The following KCNC1 variants were observed in gnomAD, a reference collection of about 807,000 sequenced individuals.
KCNC1 encodes the protein voltage-gated potassium channel KCNC1.
Under a neutral mutation model 43.4 loss-of-function variants are expected in KCNC1, and 8 were observed. The observed-to-expected ratio is 0.18, with a 90% CI of 0.11 to 0.33. The LOEUF (loss-of-function observed/expected upper bound fraction) is 0.33. Among genes scored for constraint, KCNC1 ranks in the 10% least tolerant of loss-of-function variants. KCNC1 has a pLI of 1.00. For missense variants in KCNC1, 420 were observed against 836.0 expected, an observed-to-expected ratio of 0.50 and a Z score of 6.14; for synonymous variants, 361 against 360.5, an observed-to-expected ratio of 1.00 and a Z score of -0.01.
intron 1 of KCNC1, among the ~76,000 whole-genome samples, chr11:17,747,642 C>T (rs767430327): frequency 1.1e-4 from 17 of 152,274 alleles, no homozygotes; most frequent in Non-Finnish European, 1.9e-4. Flanking sequence ...TGGGTGGGGA[C>T]GAGCTAATAT....
chr11:17,778,969 G>A (rs914384888), intron 2 of KCNC1, among the ~76,000 whole-genome samples: 5 of 152,094 alleles, frequency 3.3e-5, no homozygotes, highest in Admixed American at 1.3e-4. Flanking sequence ...AGGGAAGCCC[G>A]AGCAACTGGC....
intron 1 of KCNC1, among the ~76,000 whole-genome samples, chr11:17,759,533 A>T (rs1849054973): frequency 6.6e-6 from 1 of 152,174 alleles, no homozygotes; most frequent in Non-Finnish European, 1.5e-5. Flanking sequence ...ACTAAGCGTA[A>T]TCATTTCTAG....
In KCNC1 at chr11:17,773,675, A is replaced by G; in HGVS notation, c.1504+1077A>G. ...AGTTTTATGAGAACCTGCACATAGC[A>G]CATAAAGTTGATCATGGGGCTCTGG... On this transcript the variant is annotated intron_variant, in intron 2 of 3. Coordinates refer to ENST00000265969, the MANE Select transcript of KCNC1 (RefSeq NM_001112741.2). This position sits in a 1 kb window ranked among gnomAD's most constrained non-coding sequence, Gnocchi z 4.1. 1.0e-6 allele frequency: 1 copy of G among 985,424 alleles called. No individual in the cohort carries two copies. 61.0% of individuals were successfully genotyped at this position (985,424 alleles called of 1,614,324 possible).
chr11:17,773,327 C>T lies in KCNC1; in HGVS notation c.1504+729C>T, dbSNP rs190549682. On this transcript the variant is annotated intron_variant, in intron 2 of 3. Coordinates refer to ENST00000265969, the MANE Select transcript of KCNC1 (RefSeq NM_001112741.2). The surrounding 1 kb of genome is among the most constrained non-coding windows in gnomAD (Gnocchi z 4.1). ...CCTGTTGAAGTGACTCTAGCTTTCA[C>T]GTTGTCTGTTTGGGTTGATGGTCGA... 1.4e-4 allele frequency: 142 copies of T among 985,422 alleles called. No homozygotes were observed. The highest frequency in any genetic ancestry group is 1.7e-4 in the Non-Finnish European group (140 of 829,950). The allele number at this position is 985,422 out of a possible 1,614,324, so 61.0% of individuals were successfully genotyped here. A position where few individuals can be genotyped will look rare whatever the true frequency, so the allele number is the denominator to read the frequency against.
rs750706493 is a variant in KCNC1 at position 17,768,622 on chromosome 11, G to A, written c.571-3043G>A. Reference sequence around the variant, plus strand: ...GAGAATGGATGTTGGTGGGGGGGGGGGCGGTTTGGGAATGGGATGTCCTGG... The same window carrying A: ...GAGAATGGATGTTGGTGGGGGGGGGAGCGGTTTGGGAATGGGATGTCCTGG... On this transcript the variant is annotated intron_variant, in intron 1 of 3. Transcript: ENST00000265969. 9.3e-3 allele frequency among the ~76,000 whole-genome samples: 1,399 copies of A among 150,848 alleles called. 25 individuals carry two copies. Among genetic ancestry groups the A allele is most frequent in the African/African-American group, 0.011 (466 of 41,370 alleles).
Position 17,736,724 on chromosome 11 carries a change from G to A in KCNC1, c.570+152G>A, listed in dbSNP as rs976168426. 55 of 1,347,532 alleles carry A rather than the reference G, an allele frequency of 4.1e-5. No individual in the cohort carries two copies. The Middle Eastern group carries it at 8.0e-4, about 19-fold the overall frequency. 83.5% of individuals were successfully genotyped at this position (1,347,532 alleles called of 1,614,324 possible). On this transcript the variant is annotated intron_variant, in intron 1 of 3. Coordinates refer to ENST00000265969, the MANE Select transcript of KCNC1 (RefSeq NM_001112741.2). The surrounding 1 kb of genome is among the most constrained non-coding windows in gnomAD (Gnocchi z 9.3). ...TGTGTGCACGTACCAGGGTAAGAGA[G>A]GAAGGGTGTCCGCCGGGGTTCTGGT...
intron 1 of KCNC1, among the ~76,000 whole-genome samples, chr11:17,748,883 G>T (rs1848932655): frequency 6.6e-6 from 1 of 152,196 alleles, no homozygotes; most frequent in South Asian, 2.1e-4. Flanking sequence ...AAGGTCTGTG[G>T]TGCCCAGCAG....
At chr11:17,760,377 T>C (rs954495048) in intron 1 of KCNC1, among the ~76,000 whole-genome samples, 2 of 152,180 alleles carry the variant, frequency 1.3e-5, no homozygotes, top group Admixed American at 1.3e-4. Context: ...GGGATCCTGG[T>C]ATTGCTCCAA....
chr11:17,749,326 T>C (rs1044207027), intron 1 of KCNC1, among the ~76,000 whole-genome samples: 33 of 152,362 alleles, frequency 2.2e-4, no homozygotes, highest in African/African-American at 7.9e-4. Flanking sequence ...AAGGCATCTT[T>C]GTGGGATGCT....
intron 1 of KCNC1, among the ~76,000 whole-genome samples, chr11:17,753,098 G>A (rs759548330): frequency 6.6e-6 from 1 of 152,226 alleles, no homozygotes; most frequent in Non-Finnish European, 1.5e-5. Flanking sequence ...CTGTGTCTCC[G>A]ATAAGATCTA....
In KCNC1 at chr11:17,771,732, A is replaced by G; in HGVS notation, c.638A>G (p.Glu213Gly). ...SITTFCLETH[E>G]RFNPIVNKTE... ...ACCACCTTCTGCCTGGAGACCCACG[A>G]GCGCTTCAACCCCATCGTGAACAAG... is the stretch of plus-strand genomic sequence containing the variant. Residue 213 changes from glutamate (E) to glycine (G), a missense_variant, in exon 2 of 4, where the codon GAG (glutamate) becomes GGG (glycine). Glu to Gly is a moderately conservative substitution (Grantham distance 98). This residue lies in a region of KCNC1 where 151 missense variants were observed against 216.7 expected (regional missense o/e 0.70). Transcript: ENST00000265969. This position sits in a 1 kb window ranked among gnomAD's most constrained non-coding sequence, Gnocchi z 4.7. The G allele has an allele frequency of 6.2e-7, 1 of 1,613,624 alleles. No individual in the cohort carries two copies. Among genetic ancestry groups the G allele is most frequent in the South Asian group, 1.1e-5 (1 of 91,070 alleles).
chr11:17,781,702 T>A lies in KCNC1; in HGVS notation c.1726T>A (p.Tyr576Asn). 6.4e-7 allele frequency: 1 copy of A among 1,551,422 alleles called. No individual in the cohort carries two copies. The highest frequency in any genetic ancestry group is 2.4e-5 in the East Asian group (1 of 40,932). Residue 576 changes from tyrosine to asparagine, a missense_variant, in exon 4 of 4, where the codon TAT (tyrosine) becomes AAT (asparagine). By Grantham distance (143) the Tyr-to-Asn change is moderately radical. Around this residue, in one of 5 missense-constraint regions of KCNC1, gnomAD observed 147 missense variants for 176.1 expected, o/e 0.83. Transcript: ENST00000265969. The surrounding 1 kb of genome is among the most constrained non-coding windows in gnomAD (Gnocchi z 5.1). ...CAAAGAAAGCCCTGTCATTGCTAAG[T>A]ATATGCCGACAGAGGCTGTGAGAGT... ...LCKESPVIAKYMPTEAVRVT is the reference protein window; with the variant it reads ...LCKESPVIAKNMPTEAVRVT
Position 17,773,513 on chromosome 11 carries a change from C to T in KCNC1, c.1504+915C>T. ...GTAGGGACTGCAGCAGCAATATAGA[C>T]ATCCCAACCAGTGTACAACCACTTT... On this transcript the variant is annotated intron_variant, in intron 2 of 3. Coordinates refer to ENST00000265969, the MANE Select transcript of KCNC1 (RefSeq NM_001112741.2). This position sits in a 1 kb window ranked among gnomAD's most constrained non-coding sequence, Gnocchi z 4.1. 1 of 984,250 alleles carries T rather than the reference C, an allele frequency of 1.0e-6. No individual in the cohort carries two copies. The highest frequency in any genetic ancestry group is 1.2e-6 in the Non-Finnish European group (1 of 829,766). 61.0% of individuals were successfully genotyped at this position (984,250 alleles called of 1,614,324 possible).
rs1212847127 is a variant in KCNC1 at position 17,782,691 on chromosome 11, T to C, written c.*957T>C. ...GTAAAAACCTGCATGCCCAATGTTATGCAAAGCGATTCTAGCATGAAATAA... is the reference window on the plus strand; with the variant it reads ...GTAAAAACCTGCATGCCCAATGTTACGCAAAGCGATTCTAGCATGAAATAA... On this transcript the variant is annotated 3_prime_UTR_variant, in exon 4 of 4. Transcript: ENST00000265969. 1 of 152,352 alleles carries C rather than the reference T, an allele frequency of 6.6e-6. No homozygotes were observed. Among genetic ancestry groups the C allele is most frequent in the South Asian group, 2.1e-4 (1 of 4,826 alleles). 9.4% of individuals were successfully genotyped at this position (152,352 alleles called of 1,614,324 possible). A position where few individuals can be genotyped will look rare whatever the true frequency, so the allele number is the denominator to read the frequency against.
intron 1 of KCNC1, among the ~76,000 whole-genome samples, chr11:17,754,008 C>T (rs1190417207): frequency 5.3e-5 from 8 of 152,222 alleles, no homozygotes; most frequent in Non-Finnish European, 8.8e-5. Context: ...TGGAAAGGAA[C>T]TCTGTGACCT....
chr11:17,758,764 T>G (rs1340974704), intron 1 of KCNC1, among the ~76,000 whole-genome samples: 1 of 152,228 alleles, frequency 6.6e-6, no homozygotes, highest in African/African-American at 2.4e-5. Context: ...GTTTAAAATA[T>G]TCAGTAAACC....
At chr11:17,757,209 T>G (rs1565158473) in intron 1 of KCNC1, among the ~76,000 whole-genome samples, 1 of 104,346 alleles carries the variant, frequency 9.6e-6, no homozygotes, top group Non-Finnish European at 2.3e-5. Flanking sequence ...GTGCCATCCA[T>G]TTAGCCACAC....
At position 17,739,121 on chromosome 11, in the gene KCNC1, T is replaced by C. The variant is rs1021774339; in HGVS notation, c.570+2549T>C. 6.6e-6 allele frequency among the ~76,000 whole-genome samples: 1 copy of C among 152,108 alleles called. No individual in the cohort carries two copies. The highest frequency in any genetic ancestry group is 2.4e-5 in the African/African-American group (1 of 41,426). On this transcript the variant is annotated intron_variant, in intron 1 of 3. Transcript: ENST00000265969. The surrounding 1 kb of genome is among the most constrained non-coding windows in gnomAD (Gnocchi z 4.2). The stretch of plus-strand genomic sequence containing the variant: ...TGCCCGCCCTCCTCCCCCTCTGTCT[T>C]TGCTCTGCCGCCTCTGCTGTCACCT...
chr11:17,782,746 A>G lies in KCNC1; in HGVS notation c.*1012A>G, dbSNP rs546071366. On this transcript the variant is annotated 3_prime_UTR_variant, in exon 4 of 4. Coordinates refer to ENST00000265969, the MANE Select transcript of KCNC1 (RefSeq NM_001112741.2). Reference sequence around the variant, plus strand: ...TGTATCATGGTTTCTGTATAGTCTAAAGCAGATTTGTTTTCCTGAAGCAGT... The same window carrying G: ...TGTATCATGGTTTCTGTATAGTCTAGAGCAGATTTGTTTTCCTGAAGCAGT... 1 of 152,342 alleles carries G rather than the reference A, an allele frequency of 6.6e-6. No homozygotes were observed. Among genetic ancestry groups the G allele is most frequent in the African/African-American group, 2.4e-5 (1 of 41,580 alleles). 9.4% of individuals were successfully genotyped at this position (152,342 alleles called of 1,614,324 possible). A position where few individuals can be genotyped will look rare whatever the true frequency, so the allele number is the denominator to read the frequency against.
Sources: allele counts gnomAD v4.1 joint callset (sites outside exome capture counted in the v4.1 genomes callset), GRCh38; gene constraint gnomAD v4.1.1; regional missense constraint gnomAD v4.1.1; non-coding constraint Gnocchi (gnomAD v3.1); transcripts MANE v1.5; gene names NCBI Gene and HGNC (gene_info 2026-07-23, HGNC 2026-07-21).